The following EPHA6 variants were observed in gnomAD, a reference collection of about 807,000 sequenced individuals.
EPHA6 encodes EPH receptor A6, also known as ephrin type-A receptor 6.
EPHA6 carries 50 observed loss-of-function variants against 112.0 expected under a neutral mutation model. The ratio of observed to expected loss-of-function variants is 0.45; its 90% confidence interval spans 0.36 to 0.56. The LOEUF (loss-of-function observed/expected upper bound fraction) is 0.56. Ranked by LOEUF, EPHA6 falls within the 20% of genes least tolerant of loss-of-function variation. The pLI is 0.00. For synonymous variants in EPHA6, 529 were observed against 490.7 expected (o/e 1.08, Z -1.03); for missense variants, 1,280 against 1,417.4 (o/e 0.90, Z 1.56).
At chr3:97,377,123 C>G (rs185570763) in intron 5 of EPHA6, among the ~76,000 whole-genome samples, 5 of 152,180 alleles carry the variant, frequency 3.3e-5, no homozygotes, top group Non-Finnish European at 5.9e-5. Context: ...TGGTTTCACT[C>G]TGTGTCCCCA....
At chr3:97,066,696 C>T (rs1012869344) in intron 3 of EPHA6, among the ~76,000 whole-genome samples, 5 of 152,078 alleles carry the variant, frequency 3.3e-5, no homozygotes, top group African/African-American at 7.2e-5. Context: ...AGTAAACAGT[C>T]GGCTATTTAG....
intron 5 of EPHA6, among the ~76,000 whole-genome samples, chr3:97,278,603 T>C (rs2108657571): frequency 6.6e-6 from 1 of 152,316 alleles, no homozygotes; most frequent in East Asian, 1.9e-4. Context: ...ATCATCACTA[T>C]TTCAACCACT....
intron 14 of EPHA6, among the ~76,000 whole-genome samples, chr3:97,641,137 G>T (rs1163767617): frequency 1.3e-5 from 2 of 152,080 alleles, no homozygotes. Context: ...AATGGTATTA[G>T]ATTACAAAGC....
At chr3:97,396,759 G>A (rs934493584) in intron 5 of EPHA6, among the ~76,000 whole-genome samples, 2 of 151,528 alleles carry the variant, frequency 1.3e-5, no homozygotes, top group African/African-American at 4.8e-5. Flanking sequence ...TGATTTATGA[G>A]ATTGAAGTAA....
At chr3:97,171,712 G>T (rs573615041) in intron 3 of EPHA6, among the ~76,000 whole-genome samples, 9 of 152,008 alleles carry the variant, frequency 5.9e-5, no homozygotes, top group African/African-American at 1.9e-4. Context: ...AAAATGATTA[G>T]TTCAATTAGA....
chr3:97,444,111 C>T (rs2090238576), intron 6 of EPHA6, among the ~76,000 whole-genome samples: 1 of 151,962 alleles, frequency 6.6e-6, no homozygotes, highest in Non-Finnish European at 1.5e-5. Context: ...TATGAAAACA[C>T]CTTGTAAATT....
At chr3:97,237,245 T>G (rs2078706241) in intron 4 of EPHA6, among the ~76,000 whole-genome samples, 1 of 151,922 alleles carries the variant, frequency 6.6e-6, no homozygotes, top group African/African-American at 2.4e-5. Context: ...AAAAATAACT[T>G]AAATATTCAC....
At chr3:97,171,631 A>G (rs1414778472) in intron 3 of EPHA6, among the ~76,000 whole-genome samples, 1 of 152,158 alleles carries the variant, frequency 6.6e-6, no homozygotes, top group African/African-American at 2.4e-5. Flanking sequence ...TGGGAGAATG[A>G]TAGTACAATT....
chr3:96,863,169 T>C (rs2036106108), intron 1 of EPHA6, among the ~76,000 whole-genome samples: 1 of 152,030 alleles, frequency 6.6e-6, no homozygotes, highest in African/African-American at 2.4e-5. Context: ...ATAATAGGTG[T>C]TAATCTTCCT....
At chr3:97,183,607 C>A (rs565519057) in intron 3 of EPHA6, among the ~76,000 whole-genome samples, 232 of 152,130 alleles carry the variant, frequency 1.5e-3, no homozygotes, top group African/African-American at 5.3e-3. Flanking sequence ...TTGTCAATAT[C>A]TCATGTTTTC....
At chr3:96,855,867 CTTA>C (rs1181380287) in intron 1 of EPHA6, among the ~76,000 whole-genome samples, 1 of 152,056 alleles carries the variant, frequency 6.6e-6, no homozygotes, top group East Asian at 1.9e-4. Context: ...CTATACAACT[CTTA>C]TTATTCTTCA....
chr3:97,261,379 T>G (rs187506477), intron 5 of EPHA6, among the ~76,000 whole-genome samples: 1 of 152,150 alleles, frequency 6.6e-6, no homozygotes, highest in Non-Finnish European at 1.5e-5. Context: ...GAGCAGATAT[T>G]AGAATGCCTG....
At chr3:97,044,223 T>G (rs1382644113) in intron 3 of EPHA6, among the ~76,000 whole-genome samples, 1 of 152,244 alleles carries the variant, frequency 6.6e-6, no homozygotes, top group East Asian at 1.9e-4. Context: ...TTTTCTTCTG[T>G]GTTTCTTTAG....
At chr3:97,005,028 G>C (rs1017195136) in intron 3 of EPHA6, among the ~76,000 whole-genome samples, 2 of 152,168 alleles carry the variant, frequency 1.3e-5, no homozygotes, top group African/African-American at 4.8e-5. Flanking sequence ...TTGTAGTACA[G>C]TTTGATATCA....
At chr3:97,335,310 A>G (rs2083006416) in intron 5 of EPHA6, among the ~76,000 whole-genome samples, 1 of 152,192 alleles carries the variant, frequency 6.6e-6, no homozygotes, top group African/African-American at 2.4e-5. Flanking sequence ...GCCATCTGCA[A>G]TACTTGCAAT....
chr3:97,532,514 T>A lies in EPHA6; in HGVS notation c.2357T>A (p.Ile786Asn). Residue 786 changes from isoleucine to asparagine, a missense_variant, in exon 11 of 18, where the codon ATC becomes AAC. Coordinates refer to ENST00000389672, the MANE Select transcript of EPHA6 (RefSeq NM_001080448.3). ...SIMGQFDHPN[I>N]IRLEGVVTKR... ...ATGGGCCAGTTTGACCATCCAAACATCATTCGCCTAGAAGGGGTTGTCACC... is the reference window on the plus strand; with the variant it reads ...ATGGGCCAGTTTGACCATCCAAACAACATTCGCCTAGAAGGGGTTGTCACC... 1 of 1,610,862 alleles carries A rather than the reference T, an allele frequency of 6.2e-7. No individual in the cohort carries two copies. Among genetic ancestry groups the A allele is most frequent in the Non-Finnish European group, 8.5e-7 (1 of 1,178,274 alleles).
intron 5 of EPHA6, among the ~76,000 whole-genome samples, chr3:97,317,667 A>G (rs946993249): frequency 3.9e-5 from 6 of 152,018 alleles, no homozygotes; most frequent in African/African-American, 9.7e-5. Flanking sequence ...ACTAAATTCT[A>G]TAATGATCTT....
intron 3 of EPHA6, among the ~76,000 whole-genome samples, chr3:97,127,204 A>G (rs1262033789): frequency 1.3e-5 from 2 of 152,154 alleles, no homozygotes; most frequent in East Asian, 3.9e-4. Context: ...GGAGAAATGT[A>G]ATTGTACAAA....
rs141191460 is a variant in EPHA6 at position 97,126,811 on chromosome 3, T to A, written c.1115-99453T>A. Among the ~76,000 whole-genome samples, 21 of 151,844 alleles carry A rather than the reference T, an allele frequency of 1.4e-4. No homozygotes were observed. The East Asian group carries it at 4.1e-3, about 29-fold the overall frequency. On this transcript the variant is annotated intron_variant, in intron 3 of 17. Transcript: ENST00000389672. ...CATATTAATTCAGTTCTGCAGATGT[T>A]TAAATGTCAATATTAGTTTATTAAA...
Sources: allele counts gnomAD v4.1 joint callset (sites outside exome capture counted in the v4.1 genomes callset), GRCh38; gene constraint gnomAD v4.1.1; transcripts MANE v1.5; gene names NCBI Gene and HGNC (gene_info 2026-07-23, HGNC 2026-07-21).